Variants in SPART observed in about 807,000 individuals in gnomAD.
The protein encoded by SPART is spastic paraplegia 20 (Troyer syndrome).
A neutral mutation model predicts 58.7 loss-of-function variants in SPART; 35 were observed. That is an observed-to-expected ratio of 0.60 (90% confidence interval 0.46 to 0.79). The LOEUF is 0.79. SPART is among the 30% of genes least tolerant of loss of function. The probability of loss-of-function intolerance (pLI) is 0.00; values close to 1 mark genes in which losing one functional copy is unlikely to be tolerated. For synonymous variants in SPART, 284 were observed against 280.7 expected (o/e 1.01, Z -0.12); for missense variants, 730 against 786.1 (o/e 0.93, Z 0.85).
Position 36,312,357 on chromosome 13 carries a change from A to G in SPART, c.1604T>C (p.Leu535Pro). The G allele has an allele frequency of 6.2e-7, 1 of 1,614,118 alleles. No homozygotes were observed. Among genetic ancestry groups the G allele is most frequent in the South Asian group, 1.1e-5 (1 of 91,092 alleles). The change falls in exon 7 of 9, where the codon CTG becomes CCG. Residue 535 changes from leucine to proline, a missense_variant. By Grantham distance (98) the Leu-to-Pro change is moderately conservative. Coordinates refer to ENST00000438666, the MANE Select transcript of SPART (RefSeq NM_015087.5). The stretch of plus-strand genomic sequence containing the variant: ...TGCTGCTACAACCATAGCACCATCC[A>G]GAGGAGATTTCCCATCTTTGTCTTT... ...LKKDKDGKSPLDGAMVVAASS... is the reference protein window; with the variant it reads ...LKKDKDGKSPPDGAMVVAASS...
chr13:36,326,736 T>C (rs764173449), intron 4 of SPART, 38 bp from the exon 5 acceptor site: 2 of 1,607,986 alleles, frequency 1.2e-6, no homozygotes, highest in South Asian at 1.1e-5. Context: ...GAAGAGTTAG[T>C]ACTAAGAGGG....
intron 1 of SPART, among the ~76,000 whole-genome samples, chr13:36,359,573 C>G (rs1885757656): frequency 6.6e-6 from 1 of 152,210 alleles, no homozygotes; most frequent in Non-Finnish European, 1.5e-5. Context: ...CACTTACCCT[C>G]AAAGCTTGTT....
chr13:36,359,714 G>C (rs941761975), intron 1 of SPART, among the ~76,000 whole-genome samples: 1 of 152,146 alleles, frequency 6.6e-6, no homozygotes, highest in Non-Finnish European at 1.5e-5. Flanking sequence ...CACAGATCCT[G>C]AAGCCAGCTG....
chr13:36,312,069 A>G (rs533721348), intron 8 of SPART, 76 bp downstream of exon 8: 1 of 1,412,946 alleles, frequency 7.1e-7, no homozygotes, highest in East Asian at 2.3e-5. Flanking sequence ...CTTGGGCAAC[A>G]AGAGAAACTC....
rs1885112545 is a variant in SPART, at chr13:36,346,296, C to T, written c.-74G>A. ...CCTGCGCGGCCGCCGCGGCACGGAC[C>T]AGCTCCCACTCCCTTACACTGGGCG... is the stretch of plus-strand genomic sequence containing the variant. On this transcript the variant is annotated 5_prime_UTR_variant, in exon 1 of 9. Transcript: ENST00000438666. The T allele has an allele frequency of 6.6e-6, 1 of 152,294 alleles. No individual in the cohort carries two copies. Among genetic ancestry groups the T allele is most frequent in the Non-Finnish European group, 1.5e-5 (1 of 68,220 alleles). The allele number at this position is 152,294 out of a possible 1,614,324, so 9.4% of individuals were successfully genotyped here. A position where few individuals can be genotyped will look rare whatever the true frequency, so the allele number is the denominator to read the frequency against.
upstream of SPART, chr13:36,346,529 T>C (rs1885144780): frequency 6.6e-6 from 1 of 152,474 alleles, no homozygotes; most frequent in Admixed American, 6.5e-5. Flanking sequence ...CGCGCGCGTC[T>C]TGCCAGCGGA....
At chr13:36,313,929 A>G (rs1365082293) in intron 6 of SPART, 1 of 411,288 alleles carries the variant, frequency 2.4e-6, no homozygotes, top group Non-Finnish European at 4.4e-6. Flanking sequence ...ACAACCCTTT[A>G]ACCAGTTTCT....
intron 8 of SPART, among the ~76,000 whole-genome samples, chr13:36,311,094 A>G (rs1421299391): frequency 4.6e-5 from 7 of 152,238 alleles, no homozygotes; most frequent in East Asian, 1.9e-4. Context: ...TAAACTGGAC[A>G]CAGGTCAGAA....
At position 36,326,654 on chromosome 13, in the gene SPART, T is replaced by A. The variant is rs552906342; in HGVS notation, c.1209A>T (p.Val403=). ...TTTCTTCTGGAACTGGCTCACATGG[T>A]ACAATGTGACTCAGGTTAACTTCTT... ...SSEEVNLSHI[V]PCEPVPEEKP... is the part of the protein sequence containing the mutation. The change falls in exon 5 of 9, where the codon GTA becomes GTT. Residue 403 remains valine (V), a synonymous_variant. Transcript: ENST00000438666. The A allele has an allele frequency of 1.2e-6, 2 of 1,613,426 alleles. No individual in the cohort carries two copies. The highest frequency in any genetic ancestry group is 1.7e-6 in the Non-Finnish European group (2 of 1,179,844).
At chr13:36,361,845 T>G (rs1407633357) in intron 1 of SPART, among the ~76,000 whole-genome samples, 1 of 152,214 alleles carries the variant, frequency 6.6e-6, no homozygotes, top group Non-Finnish European at 1.5e-5. Context: ...TATTGTAATC[T>G]CTGTTGATAT....
chr13:36,324,702 GACC>G (rs1210427284), intron 5 of SPART, among the ~76,000 whole-genome samples: 3 of 152,218 alleles, frequency 2.0e-5, no homozygotes, highest in Non-Finnish European at 4.4e-5. Context: ...CATGTGAAGA[GACC>G]ACCAAACAGG....
chr13:36,321,499 C>A lies in SPART; in HGVS notation c.1288+5076G>T, dbSNP rs1443871259. 2.0e-5 allele frequency among the ~76,000 whole-genome samples: 3 copies of A among 152,258 alleles called. No homozygotes were observed. The East Asian group carries it at 5.8e-4, about 29-fold the overall frequency. ...ATCCAAAACCGTATCTAGGCCATCA[C>A]CAATCATTCTACACGACAAATGTTT... On this transcript the variant is annotated intron_variant, in intron 5 of 8. Coordinates refer to ENST00000438666, the MANE Select transcript of SPART (RefSeq NM_015087.5).
rs893181823 is a variant in SPART at position 36,302,732 on chromosome 13, G to A, written c.*1633C>T. The A allele has an allele frequency of 5.3e-5, 8 of 152,110 alleles. No homozygotes were observed. The highest frequency in any genetic ancestry group is 1.7e-4 in the African/African-American group (7 of 41,422). 9.4% of individuals were successfully genotyped at this position (152,110 alleles called of 1,614,324 possible). On this transcript the variant is annotated 3_prime_UTR_variant, in exon 9 of 9. Coordinates refer to ENST00000438666, the MANE Select transcript of SPART (RefSeq NM_015087.5). ...TCTACTGCTTCAAGCATTCATTTGTGTTACAAACGTCCCAATTACACTCTT... is the reference window on the plus strand; with the variant it reads ...TCTACTGCTTCAAGCATTCATTTGTATTACAAACGTCCCAATTACACTCTT...
chr13:36,362,442 T>C (rs1286175898), intron 1 of SPART, among the ~76,000 whole-genome samples: 2 of 151,944 alleles, frequency 1.3e-5, no homozygotes, highest in African/African-American at 4.8e-5. Flanking sequence ...TACCCAGATC[T>C]AATGAGTCAC....
chr13:36,308,982 C>G (rs150500189), intron 8 of SPART, among the ~76,000 whole-genome samples: 1 of 152,250 alleles, frequency 6.6e-6, no homozygotes, highest in African/African-American at 2.4e-5. Flanking sequence ...TGGTGGCTCA[C>G]GCCTGTAATC....
rs1883449010 is a variant in SPART, at chr13:36,331,450, A to G, written c.957T>C (p.Asp319=). The change falls in exon 3 of 9, where the codon GAT becomes GAC. Residue 319 remains aspartate, a synonymous_variant. Transcript: ENST00000438666. ...TTAACAGATCCTCAAAGAGCTCTCT[A>G]TCATCCTCTGGTAACTCAGAGGACA... ...VVLSSELPED[D]RELFEDLLRQ... The G allele has an allele frequency of 6.2e-7, 1 of 1,614,134 alleles. No homozygotes were observed. The highest frequency in any genetic ancestry group is 1.3e-5 in the African/African-American group (1 of 75,048).
chr13:36,352,594 A>T (rs1169824567), intron 1 of SPART, among the ~76,000 whole-genome samples: 1 of 152,180 alleles, frequency 6.6e-6, no homozygotes, highest in African/African-American at 2.4e-5. Context: ...TAATACTGTC[A>T]CTACATTACA....
upstream of SPART, among the ~76,000 whole-genome samples, chr13:36,351,141 G>T (rs936706888): frequency 6.6e-6 from 1 of 151,980 alleles, no homozygotes; most frequent in Non-Finnish European, 1.5e-5. Context: ...GCCTCACAGG[G>T]TGGTTACCTA....
At chr13:36,363,150 C>T (rs1885928646) in intron 1 of SPART, among the ~76,000 whole-genome samples, 1 of 152,190 alleles carries the variant, frequency 6.6e-6, no homozygotes, top group South Asian at 2.1e-4. Context: ...TCAAACAGTC[C>T]TTGTATTTGC....
Sources: gnomAD v4.1 joint callset for allele counts (sites outside exome capture counted in the v4.1 genomes callset) on GRCh38, gnomAD v4.1.1 for gene constraint, MANE v1.5 for transcripts, NCBI Gene and HGNC (gene_info 2026-07-23, HGNC 2026-07-21) for gene names.